DFFB: variants seen among roughly 807,000 people sequenced by gnomAD.
DFFB encodes the protein DNA fragmentation factor 40 kDa subunit.
DFFB carries 29 observed loss-of-function variants against 32.7 expected under a neutral mutation model. The ratio of observed to expected loss-of-function variants is 0.89; its 90% CI spans 0.66 to 1.21. DFFB has a LOEUF of 1.21. Among genes scored for constraint, DFFB ranks in the 50% most tolerant of loss-of-function variants. The pLI is 0.00. For missense variants in DFFB, 398 were observed against 440.6 expected (o/e 0.90, Z 0.87); for synonymous variants, 170 against 177.1 (o/e 0.96, Z 0.32).
At chr1:3,862,407 C>T (rs146430609) in intron 2 of DFFB, among the ~76,000 whole-genome samples, 242 of 152,204 alleles carry the variant, frequency 1.6e-3, no homozygotes, top group African/African-American at 5.5e-3. Flanking sequence ...CCCAGAATAG[C>T]CAAAACGACT....
At chr1:3,872,663 C>A in intron 6 of DFFB, 91 bp downstream of exon 6, 1 of 1,222,354 alleles carries the variant, frequency 8.2e-7, no homozygotes, top group Non-Finnish European at 1.2e-6. Flanking sequence ...CTGTCCCTGC[C>A]ACGGCCCTGT....
intron 2 of DFFB, chr1:3,860,404 T>A (rs1315168467): frequency 4.7e-6 from 2 of 429,612 alleles, no homozygotes; most frequent in Non-Finnish European, 9.5e-6. Context: ...TTGTTTTGTA[T>A]TTTTTGTAGA....
At chr1:3,877,326 C>T (rs1429398289) in intron 6 of DFFB, among the ~76,000 whole-genome samples, 1 of 107,714 alleles carries the variant, frequency 9.3e-6, no homozygotes, top group African/African-American at 3.9e-5. Flanking sequence ...CTTGGGAGTT[C>T]AGTTTTTTTT....
chr1:3,865,575 C>T lies in DFFB; in HGVS notation c.242-237C>T. ...CGGCCGTCTCTTGGTGCGCTTTCAT[C>T]TGTCCTCTAAAGCACACCCTGCCCC... On this transcript the variant is annotated intron_variant, in intron 2 of 6. Coordinates refer to ENST00000378209, the MANE Select transcript of DFFB (RefSeq NM_004402.4). This position sits in a 1 kb window ranked among gnomAD's most constrained non-coding sequence, Gnocchi z 4.7. 1 of 641,720 alleles carries T rather than the reference C, an allele frequency of 1.6e-6. No homozygotes were observed. Among genetic ancestry groups the T allele is most frequent in the Non-Finnish European group, 2.8e-6 (1 of 356,192 alleles). The allele number at this position is 641,720 out of a possible 1,614,324, so 39.8% of individuals were successfully genotyped here.
intron 4 of DFFB, among the ~76,000 whole-genome samples, chr1:3,868,955 G>A (rs577539523): frequency 2.3e-4 from 35 of 152,368 alleles, no homozygotes; most frequent in African/African-American, 7.9e-4. Context: ...CTGTAGTGGA[G>A]CTAACTGATC....
intron 5 of DFFB, among the ~76,000 whole-genome samples, 172 bp from the exon 6 acceptor site, chr1:3,872,300 C>T (rs1288739734): frequency 6.6e-6 from 1 of 151,402 alleles, no homozygotes; most frequent in Non-Finnish European, 1.5e-5. Flanking sequence ...GTAGTCCCAG[C>T]TACTCGGGAG....
intron 6 of DFFB, among the ~76,000 whole-genome samples, chr1:3,875,137 C>T (rs754306195): frequency 4.6e-5 from 7 of 152,206 alleles, no homozygotes; most frequent in Admixed American, 4.6e-4. Context: ...TGAATAGGCT[C>T]TAATTTTAAC....
At chr1:3,858,264 G>A (rs1570884580) in intron 1 of DFFB, among the ~76,000 whole-genome samples, 1 of 152,250 alleles carries the variant, frequency 6.6e-6, no homozygotes. Flanking sequence ...ACAGGGAACC[G>A]GACTCCAACA....
At chr1:3,874,416 C>T (rs111830438) in intron 6 of DFFB, among the ~76,000 whole-genome samples, 5 of 34,012 alleles carry the variant, frequency 1.5e-4, no homozygotes, top group Non-Finnish European at 5.6e-5. Context: ...TGGCCTCCCA[C>T]GCTGTGGTCT....
Position 3,860,082 on chromosome 1 carries a change from A to T in DFFB, c.241+1238A>T, listed in dbSNP as rs191021832. ...CTCCTCCTTGTTAGACTTAAAAAAA[A>T]TTTTTTTTCTTTTCTTTTATGAAAA... On this transcript the variant is annotated intron_variant, in intron 2 of 6. Transcript: ENST00000378209. Among the ~76,000 whole-genome samples, 362 of 151,788 alleles carry T rather than the reference A, an allele frequency of 2.4e-3. 1 individual carries two copies. Among genetic ancestry groups the T allele is most frequent in the African/African-American group, 6.8e-3 (280 of 41,380 alleles).
chr1:3,875,347 GGGGA>G, intron 6 of DFFB, among the ~76,000 whole-genome samples: 1 of 152,176 alleles, frequency 6.6e-6, no homozygotes, highest in Admixed American at 6.6e-5. Flanking sequence ...CCAGGTGCCT[GGGGA>G]TTGGGGTGTG....
intron 3 of DFFB, among the ~76,000 whole-genome samples, chr1:3,867,408 C>A (rs1453069761): frequency 1.3e-5 from 2 of 152,234 alleles, no homozygotes; most frequent in Non-Finnish European, 2.9e-5. Context: ...GCCTTGTAAG[C>A]CCATCAGAGG....
intron 2 of DFFB, among the ~76,000 whole-genome samples, chr1:3,862,206 G>A (rs933820151): frequency 6.6e-6 from 1 of 152,196 alleles, no homozygotes; most frequent in Non-Finnish European, 1.5e-5. Context: ...GTTGTTGAAA[G>A]AAATTAAAGT....
chr1:3,872,475 C>T lies in DFFB; in HGVS notation c.685C>T (p.Pro229Ser), dbSNP rs750086063. 23 of 1,613,746 alleles carry T rather than the reference C, an allele frequency of 1.4e-5. No homozygotes were observed. The East Asian group carries it at 4.5e-4, about 31-fold the overall frequency. ...TPEGWFSCQGPFDMDSCLSRH... is the reference protein window; with the variant it reads ...TPEGWFSCQGSFDMDSCLSRH... ...CTCATTGTCTTTTGGCCCCCAGGGT[C>T]CCTTTGACATGGACAGCTGCTTATC... The change falls in exon 6 of 7, where the codon CCC becomes TCC. Residue 229 changes from proline (P) to serine (S), a missense_variant. Transcript: ENST00000378209.
intron 6 of DFFB, among the ~76,000 whole-genome samples, chr1:3,876,840 C>T (rs932489516): frequency 2.6e-5 from 4 of 152,240 alleles, no homozygotes; most frequent in African/African-American, 4.8e-5. Flanking sequence ...CCTTCCCTCT[C>T]GGGCTGAAGG....
intron 6 of DFFB, among the ~76,000 whole-genome samples, chr1:3,877,387 G>A (rs1235648601): frequency 7.1e-6 from 1 of 140,494 alleles, no homozygotes; most frequent in African/African-American, 2.7e-5. Context: ...GGAGTGCAGT[G>A]GCATGATCTC....
rs1469628660 is a variant in DFFB at position 3,865,596 on chromosome 1, G to A, written c.242-216G>A. Reference sequence around the variant, plus strand: ...TCATCTGTCCTCTAAAGCACACCCTGCCCCTCCCTCCTCTGTCCTCATGCC... The same window carrying A: ...TCATCTGTCCTCTAAAGCACACCCTACCCCTCCCTCCTCTGTCCTCATGCC... On this transcript the variant is annotated intron_variant, in intron 2 of 6. Transcript: ENST00000378209. The surrounding 1 kb of genome is among the most constrained non-coding windows in gnomAD (Gnocchi z 4.7). The A allele has an allele frequency of 8.6e-6, 6 of 700,564 alleles. No individual in the cohort carries two copies. The highest frequency in any genetic ancestry group is 1.5e-5 in the Non-Finnish European group (6 of 390,348). 43.4% of individuals were successfully genotyped at this position (700,564 alleles called of 1,614,324 possible).
intron 6 of DFFB, chr1:3,872,977 A>G (rs1645150453): frequency 4.0e-6 from 5 of 1,258,992 alleles, no homozygotes; most frequent in Non-Finnish European, 5.1e-6. Context: ...GTGTTATGAT[A>G]GGTAAGGGTG....
intron 2 of DFFB, among the ~76,000 whole-genome samples, chr1:3,861,178 AG>A (rs1644873424): frequency 6.8e-6 from 1 of 147,456 alleles, no homozygotes; most frequent in Non-Finnish European, 1.5e-5. Context: ...AAAGAATATT[AG>A]GTAAGTGGAA....
Sources: gnomAD v4.1 joint callset for allele counts (sites outside exome capture counted in the v4.1 genomes callset) on GRCh38, gnomAD v4.1.1 for gene constraint, Gnocchi (gnomAD v3.1) non-coding constraint, MANE v1.5 for transcripts, NCBI Gene and HGNC (gene_info 2026-07-23, HGNC 2026-07-21) for gene names.